Variants in PPM1B observed in about 807,000 individuals in gnomAD.
The protein encoded by PPM1B is protein phosphatase 1B.
PPM1B carries 22 observed loss-of-function variants against 43.0 expected under a neutral mutation model. The ratio of observed to expected loss-of-function variants is 0.51; its 90% CI spans 0.37 to 0.73. The LOEUF (loss-of-function observed/expected upper bound fraction) is 0.73. Among genes scored for constraint, PPM1B ranks in the 30% least tolerant of loss-of-function variants. The probability of loss-of-function intolerance (pLI) is 0.00; values close to 1 mark genes in which losing one functional copy is unlikely to be tolerated. For missense variants in PPM1B, 632 were observed against 584.2 expected (o/e 1.08, Z -0.84); for synonymous variants, 217 against 197.9 (o/e 1.10, Z -0.81).
chr2:44,196,076 C>A (rs1668648058), intron 1 of PPM1B, among the ~76,000 whole-genome samples: 1 of 152,208 alleles, frequency 6.6e-6, no homozygotes, highest in African/African-American at 2.4e-5. Context: ...TGAACCCTTA[C>A]AATTAATGAG....
At chr2:44,177,430 T>TC (rs1667631473) in intron 1 of PPM1B, among the ~76,000 whole-genome samples, 1 of 149,664 alleles carries the variant, frequency 6.7e-6, no homozygotes, top group Admixed American at 6.6e-5. Flanking sequence ...TTTTTTTTTT[T>TC]TTTTTGAGAC....
At chr2:44,233,943 A>G (rs1670539557), downstream of PPM1B, 1 of 985,296 alleles carries the variant, frequency 1.0e-6, no homozygotes, top group Non-Finnish European at 1.2e-6. Flanking sequence ...TATCGTTCAA[A>G]CTGTCCACTC....
intron 5 of PPM1B, 34 bp from the exon 6 acceptor site, chr2:44,230,379 C>G (rs749170733): frequency 6.9e-6 from 11 of 1,601,772 alleles, no homozygotes; most frequent in African/African-American, 4.1e-5. Context: ...CCTAGTTTGT[C>G]TACTGACACT....
chr2:44,184,018 G>T (rs749536026), intron 1 of PPM1B, among the ~76,000 whole-genome samples: 7 of 152,184 alleles, frequency 4.6e-5, no homozygotes, highest in Non-Finnish European at 8.8e-5. Flanking sequence ...GATTACAGGC[G>T]TGAGCCACTG....
At chr2:44,239,588 A>G (rs1168395837), downstream of PPM1B, among the ~76,000 whole-genome samples, 1 of 152,166 alleles carries the variant, frequency 6.6e-6, no homozygotes, top group Non-Finnish European at 1.5e-5. Flanking sequence ...ATAATGTAGT[A>G]ACAAGGCTGA....
At chr2:44,207,351 A>G (rs778948964) in intron 2 of PPM1B, among the ~76,000 whole-genome samples, 1 of 152,174 alleles carries the variant, frequency 6.6e-6, no homozygotes, top group Non-Finnish European at 1.5e-5. Flanking sequence ...TGAGTTGGCA[A>G]ATTTGGCAAA....
intron 3 of PPM1B, among the ~76,000 whole-genome samples, chr2:44,216,594 T>A (rs1669730128): frequency 6.6e-6 from 1 of 152,184 alleles, no homozygotes; most frequent in Non-Finnish European, 1.5e-5. Flanking sequence ...GAGAAGGATT[T>A]GAGAATGTGA....
In PPM1B at chr2:44,203,492, T is replaced by TAC. The variant is rs531954392; in HGVS notation, c.846+1448_846+1449dup. Among the ~76,000 whole-genome samples, 24 of 152,236 alleles carry TAC rather than the reference T, an allele frequency of 1.6e-4. No homozygotes were observed. In the East Asian group the frequency reaches 3.9e-3, roughly 24 times the overall value. ...CAATTATAAAAAAAAGGTATATACTTACTATTGGAAAAAAAATCCAGATGA... is the reference window on the plus strand; with the variant it reads ...CAATTATAAAAAAAAGGTATATACTTACACTATTGGAAAAAAAATCCAGATGA... On this transcript the variant is annotated intron_variant, in intron 2 of 5. Coordinates refer to ENST00000282412, the MANE Select transcript of PPM1B (RefSeq NM_002706.6).
intron 2 of PPM1B, among the ~76,000 whole-genome samples, chr2:44,203,099 T>C (rs17032040): frequency 0.022 from 3,386 of 152,280 alleles, 144 homozygotes; most frequent in African/African-American, 0.078. Flanking sequence ...AGAAAGGATC[T>C]CTGGGTCTCT....
At chr2:44,186,181 A>G (rs1226148376) in intron 1 of PPM1B, among the ~76,000 whole-genome samples, 8 of 152,202 alleles carry the variant, frequency 5.3e-5, no homozygotes, top group Admixed American at 2.0e-4. Context: ...TTTTATTACT[A>G]CTATCATTTA....
At chr2:44,169,765 C>T (rs1162797620) in intron 1 of PPM1B, among the ~76,000 whole-genome samples, 1 of 152,226 alleles carries the variant, frequency 6.6e-6, no homozygotes, top group African/African-American at 2.4e-5. Flanking sequence ...TCTATGCGTT[C>T]TACCCTCGCC....
At chr2:44,222,987 C>T (rs771174843) in intron 5 of PPM1B, among the ~76,000 whole-genome samples, 12 of 152,074 alleles carry the variant, frequency 7.9e-5, no homozygotes, top group Non-Finnish European at 1.6e-4. Context: ...CACAGCACCA[C>T]ACTCGGCTAA....
Position 44,211,138 on chromosome 2 carries a change from G to GA in PPM1B, c.964+1820dup, listed in dbSNP as rs998042254. On this transcript the variant is annotated intron_variant, in intron 3 of 5. Transcript: ENST00000282412. Reference sequence around the variant, plus strand: ...ATGACAGAGCAAGACTCCATCTCGGGAAAAAAAAATTAAGAAATTAACGTT... The same window carrying GA: ...ATGACAGAGCAAGACTCCATCTCGGGAAAAAAAAAATTAAGAAATTAACGTT... Among the ~76,000 whole-genome samples, 17 of 151,216 alleles carry GA rather than the reference G, an allele frequency of 1.1e-4. No individual in the cohort carries two copies. The East Asian group carries it at 1.7e-3, about 15-fold the overall frequency.
At chr2:44,222,642 G>C (rs368482551) in intron 5 of PPM1B, among the ~76,000 whole-genome samples, 66 of 152,218 alleles carry the variant, frequency 4.3e-4, no homozygotes, top group African/African-American at 1.6e-3. Flanking sequence ...GAGGTAGTTT[G>C]CACAGGTCAC....
At chr2:44,185,008 A>G (rs1301993280) in intron 1 of PPM1B, among the ~76,000 whole-genome samples, 8 of 150,198 alleles carry the variant, frequency 5.3e-5, no homozygotes, top group Non-Finnish European at 1.2e-4. Context: ...GACATGTATT[A>G]CTATGCCAAG....
intron 1 of PPM1B, among the ~76,000 whole-genome samples, chr2:44,177,012 T>G (rs1274153419): frequency 6.6e-6 from 1 of 152,206 alleles, no homozygotes; most frequent in East Asian, 1.9e-4. Context: ...ACTCCTGACC[T>G]CAGGTGATCT....
At chr2:44,198,678 A>G (rs974515276) in intron 1 of PPM1B, among the ~76,000 whole-genome samples, 2 of 152,198 alleles carry the variant, frequency 1.3e-5, no homozygotes, top group Non-Finnish European at 2.9e-5. Context: ...AAACGAAATA[A>G]TAAGAGGTAC....
chr2:44,198,743 T>A (rs920489613), intron 1 of PPM1B, among the ~76,000 whole-genome samples: 2 of 152,100 alleles, frequency 1.3e-5, no homozygotes, highest in African/African-American at 4.8e-5. Flanking sequence ...AGGGGCTTGG[T>A]TTCGGACCAG....
At chr2:44,178,531 A>G (rs927668097) in intron 1 of PPM1B, among the ~76,000 whole-genome samples, 2 of 150,650 alleles carry the variant, frequency 1.3e-5, no homozygotes, top group African/African-American at 4.9e-5. Flanking sequence ...GCAATGATGC[A>G]ATCTTGGCTC....
Sources: allele counts gnomAD v4.1 joint callset (sites outside exome capture counted in the v4.1 genomes callset), GRCh38; gene constraint gnomAD v4.1.1; transcripts MANE v1.5; gene names NCBI Gene and HGNC (gene_info 2026-07-23, HGNC 2026-07-21).